The following BTBD9 variants were observed in gnomAD, a reference collection of about 807,000 sequenced individuals.
BTBD9 encodes BTB/POZ domain-containing protein 9.
In BTBD9, 49 loss-of-function variants were observed where a neutral mutation model predicts 64.3. That is an observed-to-expected ratio of 0.76 (90% CI 0.61 to 0.97). The LOEUF (loss-of-function observed/expected upper bound fraction) is 0.97. Ranked by LOEUF, BTBD9 falls within the 50% of genes least tolerant of loss-of-function variation. The pLI, the probability that BTBD9 is intolerant of heterozygous loss-of-function variation, is 0.00. For missense variants in BTBD9, 598 were observed against 762.1 expected, an observed-to-expected ratio of 0.78 and a Z score of 2.53; for synonymous variants, 260 against 274.7, an observed-to-expected ratio of 0.95 and a Z score of 0.53.
chr6:38,365,975 TCATTTC>T (rs1435555442), intron 6 of BTBD9, among the ~76,000 whole-genome samples: 2 of 152,242 alleles, frequency 1.3e-5, no homozygotes, highest in East Asian at 3.8e-4. Context: ...ACAGAGATTT[TCATTTC>T]CATGTTAACT....
chr6:38,568,829 G>A (rs1172003783), intron 6 of BTBD9, among the ~76,000 whole-genome samples: 2 of 152,142 alleles, frequency 1.3e-5, no homozygotes, highest in Non-Finnish European at 2.9e-5. Context: ...CTGTGACAAC[G>A]TAATTTATAC....
At chr6:38,567,804 G>A (rs1442781232) in intron 6 of BTBD9, among the ~76,000 whole-genome samples, 2 of 151,990 alleles carry the variant, frequency 1.3e-5, no homozygotes, top group African/African-American at 4.8e-5. Flanking sequence ...CTAACCGTGG[G>A]ACTTGTACTC....
At chr6:38,567,524 A>G (rs1582645165) in intron 6 of BTBD9, among the ~76,000 whole-genome samples, 1 of 152,200 alleles carries the variant, frequency 6.6e-6, no homozygotes, top group African/African-American at 2.4e-5. Flanking sequence ...CTTCGCATCA[A>G]TAAAGTGCTT....
At chr6:38,398,361 T>C (rs7764502) in intron 6 of BTBD9, among the ~76,000 whole-genome samples, 58,286 of 151,998 alleles carry the variant, frequency 0.38, 13,698 homozygotes, top group East Asian at 0.87. Flanking sequence ...CCTCCCCTCA[T>C]TCACACTCAG....
chr6:38,235,861 G>A (rs1241117154), intron 9 of BTBD9, among the ~76,000 whole-genome samples: 1 of 152,162 alleles, frequency 6.6e-6, no homozygotes, highest in Non-Finnish European at 1.5e-5. Flanking sequence ...TTCTCAGAAT[G>A]TTTTCAAATG....
intron 1 of BTBD9, among the ~76,000 whole-genome samples, chr6:38,603,154 A>C (rs927590188): frequency 1.3e-4 from 20 of 152,208 alleles, no homozygotes; most frequent in Non-Finnish European, 1.9e-4. Flanking sequence ...AGGGGGACGA[A>C]GGACTTACAC....
chr6:38,382,915 G>A (rs190174660), intron 6 of BTBD9, among the ~76,000 whole-genome samples: 1 of 152,224 alleles, frequency 6.6e-6, no homozygotes, highest in African/African-American at 2.4e-5. Context: ...ACAGTTAATA[G>A]TCTTCCCACA....
intron 8 of BTBD9, among the ~76,000 whole-genome samples, chr6:38,282,675 C>T (rs1246171621): frequency 6.6e-6 from 1 of 152,192 alleles, no homozygotes; most frequent in Non-Finnish European, 1.5e-5. Flanking sequence ...CCACACTGGC[C>T]TCCTAGCTGC....
At chr6:38,261,982 T>C (rs867008460) in intron 8 of BTBD9, among the ~76,000 whole-genome samples, 1 of 152,216 alleles carries the variant, frequency 6.6e-6, no homozygotes, top group Non-Finnish European at 1.5e-5. Context: ...CTTTGTTGAT[T>C]TGACTGAAAA....
At chr6:38,552,636 T>C (rs564783865) in intron 6 of BTBD9, among the ~76,000 whole-genome samples, 1 of 151,694 alleles carries the variant, frequency 6.6e-6, no homozygotes, top group East Asian at 1.9e-4. Flanking sequence ...GTGTGGTGGC[T>C]GGAGCCTGTC....
chr6:38,349,193 A>T (rs1487345522), intron 6 of BTBD9, among the ~76,000 whole-genome samples: 3 of 151,718 alleles, frequency 2.0e-5, no homozygotes, highest in African/African-American at 7.3e-5. Flanking sequence ...TGACCCCCAA[A>T]TTTTTTTTTA....
At chr6:38,265,754 A>G (rs1276724135) in intron 8 of BTBD9, among the ~76,000 whole-genome samples, 1 of 152,190 alleles carries the variant, frequency 6.6e-6, no homozygotes, top group African/African-American at 2.4e-5. Flanking sequence ...TCCTGGGCTC[A>G]AGCGACCTGC....
intron 4 of BTBD9, among the ~76,000 whole-genome samples, chr6:38,584,880 CAT>C (rs1242193030): frequency 6.6e-6 from 1 of 152,076 alleles, no homozygotes; most frequent in Non-Finnish European, 1.5e-5. Flanking sequence ...GGCACTCAAA[CAT>C]ACCACAGAAT....
intron 9 of BTBD9, among the ~76,000 whole-genome samples, chr6:38,215,840 C>T (rs1289287470): frequency 6.6e-6 from 1 of 152,172 alleles, no homozygotes; most frequent in African/African-American, 2.4e-5. Flanking sequence ...ATCTGAAACT[C>T]CATACTGCGG....
At chr6:38,420,708 T>A (rs1767864031) in intron 6 of BTBD9, among the ~76,000 whole-genome samples, 2 of 151,722 alleles carry the variant, frequency 1.3e-5, no homozygotes, top group South Asian at 4.2e-4. Flanking sequence ...ATACAAAAAT[T>A]AGCTGGGCAT....
intron 1 of BTBD9, among the ~76,000 whole-genome samples, chr6:38,602,794 G>A (rs1381343900): frequency 1.3e-5 from 2 of 151,504 alleles, no homozygotes; most frequent in Non-Finnish European, 2.9e-5. Flanking sequence ...TATCTCCACA[G>A]AGAAAAAGTA....
Position 38,170,953 on chromosome 6 carries a change from C to G in BTBD9, c.*4032G>C, listed in dbSNP as rs1235655360. 1 of 152,260 alleles carries G rather than the reference C, an allele frequency of 6.6e-6. No individual in the cohort carries two copies. Among genetic ancestry groups the G allele is most frequent in the East Asian group, 1.9e-4 (1 of 5,206 alleles). The allele number at this position is 152,260 out of a possible 1,614,324, so 9.4% of individuals were successfully genotyped here. A position where few individuals can be genotyped will look rare whatever the true frequency, so the allele number is the denominator to read the frequency against. On this transcript the variant is annotated 3_prime_UTR_variant, in exon 11 of 11. Transcript: ENST00000481247. The stretch of plus-strand genomic sequence containing the variant: ...GGTAAGATTAAAATAATAACACCGA[C>G]AAGCAAGCACTAATGAGGAAAAACT...
chr6:38,563,771 T>C (rs1775349560), intron 6 of BTBD9, among the ~76,000 whole-genome samples: 1 of 148,646 alleles, frequency 6.7e-6, no homozygotes, highest in Non-Finnish European at 1.5e-5. Context: ...TGTCTGCCTA[T>C]CTAACTTTTT....
At chr6:38,393,685 C>G (rs936470069) in intron 6 of BTBD9, among the ~76,000 whole-genome samples, 1 of 152,202 alleles carries the variant, frequency 6.6e-6, no homozygotes, top group Non-Finnish European at 1.5e-5. Context: ...CTGTTATACC[C>G]TCTCATTACA....
Sources: gnomAD v4.1 joint callset for allele counts (sites outside exome capture counted in the v4.1 genomes callset) on GRCh38, gnomAD v4.1.1 for gene constraint, MANE v1.5 for transcripts, NCBI Gene and HGNC (gene_info 2026-07-23, HGNC 2026-07-21) for gene names.